GRM3: variants seen among roughly 807,000 people sequenced by gnomAD.
The protein encoded by GRM3 is metabotropic glutamate receptor 3.
Under a neutral mutation model 70.5 loss-of-function variants are expected in GRM3, and 26 were observed. The ratio of observed to expected loss-of-function variants is 0.37; its 90% confidence interval spans 0.27 to 0.51. GRM3 has a LOEUF of 0.51. Ranked by LOEUF, GRM3 falls within the 20% of genes least tolerant of loss-of-function variation. The pLI is 0.93. For synonymous variants in GRM3, 443 were observed against 434.9 expected (o/e 1.02, Z -0.23); for missense variants, 859 against 1,123.8 (o/e 0.76, Z 3.37).
chr7:86,854,391 T>A lies in GRM3; in HGVS notation c.2566+3847T>A, dbSNP rs536761675. The stretch of plus-strand genomic sequence containing the variant: ...GTTGCTCCACAAAACTGGAAAAGCA[T>A]GACCACACTCAGTAGCAGACATGAA... On this transcript the variant is annotated intron_variant, in intron 5 of 5. Transcript: ENST00000361669. Among the ~76,000 whole-genome samples, 39 of 152,248 alleles carry A rather than the reference T, an allele frequency of 2.6e-4. No homozygotes were observed. The South Asian group carries it at 7.9e-3, about 31-fold the overall frequency.
intron 1 of GRM3, among the ~76,000 whole-genome samples, chr7:86,680,920 T>A (rs569877771): frequency 6.6e-6 from 1 of 152,252 alleles, no homozygotes; most frequent in Non-Finnish European, 1.5e-5. Context: ...GCAGCCCAAA[T>A]CAAGAGAAAC....
In GRM3 at chr7:86,839,498, A is replaced by G; in HGVS notation, c.1984A>G (p.Lys662Glu). The change falls in exon 4 of 6, where the codon AAG becomes GAG. Residue 662 changes from lysine (K) to glutamate (E), a missense_variant. Physicochemically the swap from Lys to Glu is moderately conservative, Grantham distance 56. Coordinates refer to ENST00000361669, the MANE Select transcript of GRM3 (RefSeq NM_000840.3). This position sits in a 1 kb window ranked among gnomAD's most constrained non-coding sequence, Gnocchi z 4.5. Reference sequence around the variant, plus strand: ...TATCTGTTACTCAGCCCTGCTGACCAAGACAAACTGCATTGCCCGCATCTT... The same window carrying G: ...TATCTGTTACTCAGCCCTGCTGACCGAGACAAACTGCATTGCCCGCATCTT... ...FAICYSALLTKTNCIARIFDG... is the reference protein window; with the variant it reads ...FAICYSALLTETNCIARIFDG... The G allele has an allele frequency of 6.2e-7, 1 of 1,609,456 alleles. No individual in the cohort carries two copies. Among genetic ancestry groups the G allele is most frequent in the Admixed American group, 1.7e-5 (1 of 59,780 alleles).
chr7:86,812,106 T>C (rs1217844211), intron 3 of GRM3, among the ~76,000 whole-genome samples: 2 of 151,754 alleles, frequency 1.3e-5, no homozygotes, highest in Non-Finnish European at 1.5e-5. Context: ...TCACAACCAT[T>C]GCAGTTTATT....
intron 1 of GRM3, among the ~76,000 whole-genome samples, chr7:86,658,013 C>T (rs1210689592): frequency 3.3e-5 from 5 of 152,124 alleles, no homozygotes; most frequent in African/African-American, 1.2e-4. Context: ...ATGTAACAAT[C>T]AAAATTCTAA....
intron 1 of GRM3, among the ~76,000 whole-genome samples, chr7:86,758,202 C>T (rs1434294220): frequency 2.0e-5 from 3 of 152,244 alleles, no homozygotes; most frequent in South Asian, 2.1e-4. Context: ...GGACTGTATA[C>T]ATCTAGGAAA....
intron 1 of GRM3, among the ~76,000 whole-genome samples, chr7:86,720,447 TAA>T (rs1795430587): frequency 1.3e-5 from 2 of 152,022 alleles, no homozygotes; most frequent in African/African-American, 4.8e-5. Flanking sequence ...TAGTGATAAG[TAA>T]AGTCATGGGA....
chr7:86,699,802 G>A (rs1387337537), intron 1 of GRM3, among the ~76,000 whole-genome samples: 3 of 151,956 alleles, frequency 2.0e-5, no homozygotes, highest in Admixed American at 6.6e-5. Flanking sequence ...GTCACCAGAT[G>A]AGGAGAACTA....
At position 86,720,092 on chromosome 7, in the gene GRM3, C is replaced by G. The variant is rs191423561; in HGVS notation, c.-140-44914C>G. On this transcript the variant is annotated intron_variant, in intron 1 of 5. Transcript: ENST00000361669. ...AAAGAGATCAGTTATCACAGTAGTC[C>G]AAAGGAGAGATGATGGTGGTCTGGA... Among the ~76,000 whole-genome samples, 5 of 151,858 alleles carry G rather than the reference C, an allele frequency of 3.3e-5. No homozygotes were observed. In the East Asian group the frequency reaches 9.7e-4, roughly 29 times the overall value.
intron 1 of GRM3, among the ~76,000 whole-genome samples, chr7:86,651,771 C>T (rs1423661699): frequency 6.6e-6 from 1 of 152,102 alleles, no homozygotes; most frequent in African/African-American, 2.4e-5. Context: ...CAAATCTCTT[C>T]CATAGATTTT....
intron 3 of GRM3, among the ~76,000 whole-genome samples, chr7:86,791,630 A>T (rs1797421625): frequency 6.6e-6 from 1 of 152,150 alleles, no homozygotes; most frequent in Admixed American, 6.5e-5. Context: ...GTGCACGAGG[A>T]CTCTGGGAAA....
intron 5 of GRM3, among the ~76,000 whole-genome samples, chr7:86,851,191 A>G (rs1798748776): frequency 6.6e-6 from 1 of 152,174 alleles, no homozygotes; most frequent in Admixed American, 6.6e-5. Flanking sequence ...CATCCCGTGG[A>G]ACACACCTTG....
chr7:86,787,429 T>C (rs1797284374), intron 3 of GRM3, among the ~76,000 whole-genome samples: 1 of 152,194 alleles, frequency 6.6e-6, no homozygotes, highest in Non-Finnish European at 1.5e-5. Flanking sequence ...TGCAGGATTA[T>C]GGCATGTGTG....
At chr7:86,853,264 T>C (rs78388085) in intron 5 of GRM3, among the ~76,000 whole-genome samples, 18,657 of 152,216 alleles carry the variant, frequency 0.12, 1,474 homozygotes, top group African/African-American at 0.23. Context: ...TATATGTATA[T>C]GTATACCAGG....
chr7:86,786,942 T>C lies in GRM3; in HGVS notation c.1150T>C (p.Tyr384His), dbSNP rs1284243845. 6.2e-7 allele frequency: 1 copy of C among 1,614,068 alleles called. No individual in the cohort carries two copies. Among genetic ancestry groups the C allele is most frequent in the Non-Finnish European group, 8.5e-7 (1 of 1,180,008 alleles). The change falls in exon 3 of 6, where the codon TAC (tyrosine) becomes CAC (histidine). Residue 384 changes from tyrosine (Y) to histidine (H), a missense_variant. Coordinates refer to ENST00000361669, the MANE Select transcript of GRM3 (RefSeq NM_000840.3). This position sits in a 1 kb window ranked among gnomAD's most constrained non-coding sequence, Gnocchi z 6.0. Reference sequence around the variant, plus strand: ...GCACCTGGCCATCGACAGCAGCAACTACGAGCAAGAGTCCAAGATCATGTT... The same window carrying C: ...GCACCTGGCCATCGACAGCAGCAACCACGAGCAAGAGTCCAAGATCATGTT... ...DKHLAIDSSN[Y>H]EQESKIMFVV...
At chr7:86,807,569 T>A (rs1376082065) in intron 3 of GRM3, among the ~76,000 whole-genome samples, 1 of 152,014 alleles carries the variant, frequency 6.6e-6, no homozygotes, top group Non-Finnish European at 1.5e-5. Context: ...TGTATAGGAA[T>A]GCTTGTGATT....
chr7:86,853,520 G>A (rs1308232953), intron 5 of GRM3, among the ~76,000 whole-genome samples: 4 of 152,066 alleles, frequency 2.6e-5, no homozygotes, highest in Non-Finnish European at 2.9e-5. Context: ...ACTGCTCTGC[G>A]TTCATTAGAT....
chr7:86,714,391 C>A (rs1795269688), intron 1 of GRM3, among the ~76,000 whole-genome samples: 1 of 150,888 alleles, frequency 6.6e-6, no homozygotes, highest in African/African-American at 2.5e-5. Flanking sequence ...CAACAATTAA[C>A]CTTTTACTGT....
intron 1 of GRM3, among the ~76,000 whole-genome samples, chr7:86,688,801 T>C (rs528438495): frequency 0.036 from 5,306 of 147,076 alleles, 323 homozygotes; most frequent in African/African-American, 0.13. Context: ...ATGATATATA[T>C]CTCTCACACA....
chr7:86,859,812 C>T (rs1268658910), intron 5 of GRM3, among the ~76,000 whole-genome samples: 1 of 152,132 alleles, frequency 6.6e-6, no homozygotes, highest in African/African-American at 2.4e-5. Flanking sequence ...CAATAATTTT[C>T]TCCAAAGTCT....
Sources: allele counts gnomAD v4.1 joint callset (sites outside exome capture counted in the v4.1 genomes callset), GRCh38; gene constraint gnomAD v4.1.1; non-coding constraint Gnocchi (gnomAD v3.1); transcripts MANE v1.5; gene names NCBI Gene and HGNC (gene_info 2026-07-23, HGNC 2026-07-21).